ZC3H12B: variants seen among roughly 807,000 people sequenced by gnomAD.
The protein encoded by ZC3H12B is zinc finger CCCH-type containing 12B.
Under a neutral mutation model 43.9 loss-of-function variants are expected in ZC3H12B, and 7 were observed. The observed-to-expected ratio is 0.16, with a 90% CI of 0.09 to 0.30. ZC3H12B has a LOEUF of 0.30. Among genes scored for constraint, ZC3H12B ranks in the 10% least tolerant of loss-of-function variants. The probability of loss-of-function intolerance (pLI) is 1.00; values close to 1 mark genes in which losing one functional copy is unlikely to be tolerated. For missense variants in ZC3H12B, 475 were observed against 670.2 expected (o/e 0.71, Z 3.22); for synonymous variants, 222 against 241.7 (o/e 0.92, Z 0.76).
At chrX:65,166,732 C>T in the ZC3H12B span, among the ~76,000 whole-genome samples, 1 of 111,673 alleles carries the variant, frequency 9.0e-6, no homozygotes, top group Non-Finnish European at 1.9e-5. Context: ...TTAATGATCG[C>T]CATTCTAACT....
the ZC3H12B span, among the ~76,000 whole-genome samples, chrX:65,237,781 G>A: frequency 1.8e-5 from 2 of 111,197 alleles, no homozygotes; most frequent in South Asian, 3.8e-4. Flanking sequence ...AAGTGATGTT[G>A]AATTTTATTG....
chrX:65,327,148 A>T, the ZC3H12B span, among the ~76,000 whole-genome samples: 1 of 111,579 alleles, frequency 9.0e-6, no homozygotes, highest in East Asian at 2.8e-4. Flanking sequence ...ATTTAAAATC[A>T]GTATTTCAAA....
At chrX:65,127,175 C>A in the ZC3H12B span, among the ~76,000 whole-genome samples, 3 of 111,489 alleles carry the variant, frequency 2.7e-5, no homozygotes, top group African/African-American at 9.8e-5. Context: ...TGTTCAGATT[C>A]TTTTTCCCAC....
chrX:65,426,004 T>C (rs1225961371), intron 3 of ZC3H12B, among the ~76,000 whole-genome samples: 1 of 111,311 alleles, frequency 9.0e-6, no homozygotes, highest in Non-Finnish European at 1.9e-5. Flanking sequence ...CCATCCTTTT[T>C]AATTTTTTGA....
At chrX:65,412,979 T>G (rs1273844214) in intron 3 of ZC3H12B, among the ~76,000 whole-genome samples, 1 of 111,612 alleles carries the variant, frequency 9.0e-6, no homozygotes, top group Non-Finnish European at 1.9e-5. Context: ...TTTCTCGGTT[T>G]TTTTTCCTAG....
At chrX:65,263,429 G>A in the ZC3H12B span, among the ~76,000 whole-genome samples, 1 of 110,397 alleles carries the variant, frequency 9.1e-6, no homozygotes, top group African/African-American at 3.3e-5. Context: ...GAGCATCCTA[G>A]GTAGAGCAAA....
chrX:65,219,110 C>G, the ZC3H12B span, among the ~76,000 whole-genome samples: 1 of 111,661 alleles, frequency 9.0e-6, no homozygotes, highest in Non-Finnish European at 1.9e-5. Context: ...AGCTCCATCT[C>G]TAGGGGAAAA....
the ZC3H12B span, among the ~76,000 whole-genome samples, chrX:65,229,901 A>C: frequency 9.0e-6 from 1 of 110,761 alleles, no homozygotes; most frequent in Non-Finnish European, 1.9e-5. Context: ...GCTGGAGAGG[A>C]TGTGGAGAAA....
At chrX:65,240,582 G>T in the ZC3H12B span, among the ~76,000 whole-genome samples, 1 of 111,678 alleles carries the variant, frequency 9.0e-6, no homozygotes, top group Non-Finnish European at 1.9e-5. Flanking sequence ...AGCCACCTCA[G>T]CCTCAGCCCC....
At chrX:65,231,895 G>T in the ZC3H12B span, among the ~76,000 whole-genome samples, 3 of 111,409 alleles carry the variant, frequency 2.7e-5, no homozygotes, top group East Asian at 8.4e-4. Context: ...GGGTCGTAAG[G>T]TGACATACAT....
At chrX:65,127,065 TAAAG>T in the ZC3H12B span, among the ~76,000 whole-genome samples, 5 of 110,844 alleles carry the variant, frequency 4.5e-5, no homozygotes, top group Non-Finnish European at 7.6e-5. Context: ...TTGGGGATGT[TAAAG>T]AAGCTTGCTA....
At chrX:65,037,891 T>TC in the ZC3H12B span, among the ~76,000 whole-genome samples, 1 of 111,059 alleles carries the variant, frequency 9.0e-6, no homozygotes, top group Admixed American at 9.6e-5. Context: ...TCCCACAAAT[T>TC]CATATCTGTC....
At chrX:65,160,988 A>G in the ZC3H12B span, among the ~76,000 whole-genome samples, 3 of 111,017 alleles carry the variant, frequency 2.7e-5, no homozygotes, top group South Asian at 3.8e-4. Flanking sequence ...TTCAAAGAAC[A>G]TCTTTATTTC....
chrX:65,507,350 CAT>C (rs2068435905), exon 5 of ZC3H12B: 1 of 112,452 alleles, frequency 8.9e-6, no homozygotes, highest in Non-Finnish European at 1.9e-5. Context: ...CTGAGGAGTG[CAT>C]AGTCTTCAAC....
chrX:65,311,106 A>G, the ZC3H12B span, among the ~76,000 whole-genome samples: 19 of 112,276 alleles, frequency 1.7e-4, no homozygotes, highest in African/African-American at 5.8e-4. Flanking sequence ...CATGTCTAAA[A>G]CACCAAAAGC....
intron 2 of ZC3H12B, among the ~76,000 whole-genome samples, chrX:65,390,196 G>A (rs909847373): frequency 9.1e-6 from 1 of 110,192 alleles, no homozygotes; most frequent in Non-Finnish European, 1.9e-5. Flanking sequence ...TCATAGGTGG[G>A]AATTGAACAA....
chrX:65,127,009 A>T, the ZC3H12B span, among the ~76,000 whole-genome samples: 1 of 110,286 alleles, frequency 9.1e-6, no homozygotes, highest in Non-Finnish European at 1.9e-5. Context: ...CAATTCAGAG[A>T]TTTAATCTTG....
the ZC3H12B span, among the ~76,000 whole-genome samples, chrX:65,215,694 A>T: frequency 9.0e-6 from 1 of 111,140 alleles, no homozygotes; most frequent in Non-Finnish European, 1.9e-5. Context: ...AATTTATTTC[A>T]ATGTCTTTTG....
chrX:65,054,248 C>T, the ZC3H12B span, among the ~76,000 whole-genome samples: 3 of 111,994 alleles, frequency 2.7e-5, no homozygotes, highest in Admixed American at 1.9e-4. Flanking sequence ...TTAGGTCTAA[C>T]ATTCAGGTCT....
Sources: allele counts gnomAD v4.1 joint callset (sites outside exome capture counted in the v4.1 genomes callset), GRCh38; gene constraint gnomAD v4.1.1; transcripts MANE v1.5; gene names NCBI Gene and HGNC (gene_info 2026-07-23, HGNC 2026-07-21).